The following TRPM2 variants were observed in gnomAD, a reference collection of about 807,000 sequenced individuals.
TRPM2 encodes transient receptor potential cation channel subfamily M member 2.
A neutral mutation model predicts 174.0 loss-of-function variants in TRPM2; 161 were observed. The ratio of observed to expected loss-of-function variants is 0.93; its 90% CI spans 0.81 to 1.05. The LOEUF (loss-of-function observed/expected upper bound fraction) is 1.05, where lower values mean the gene tolerates loss of function less well. TRPM2 is among the 50% of genes least tolerant of loss of function. TRPM2 has a pLI of 0.00. For synonymous variants in TRPM2, 954 were observed against 861.3 expected, an observed-to-expected ratio of 1.11 and a Z score of -1.88; for missense variants, 2,057 against 2,038.0, an observed-to-expected ratio of 1.01 and a Z score of -0.18.
chr21:44,382,406 G>A (rs2048908651), intron 8 of TRPM2, among the ~76,000 whole-genome samples: 1 of 152,210 alleles, frequency 6.6e-6, no homozygotes, highest in Non-Finnish European at 1.5e-5. Context: ...CAGGTGGTGA[G>A]GAGTGGCCTG....
chr21:44,437,138 C>T lies in TRPM2; in HGVS notation c.4138C>T (p.Pro1380Ser). Residue 1380 changes from proline to serine, a missense_variant, in exon 29 of 32, where the codon CCT (proline) becomes TCT (serine). Coordinates refer to ENST00000397928, the MANE Select transcript of TRPM2 (RefSeq NM_003307.4). ...KMLEVLVVKL[P>S]LSEHWALPGG... Reference sequence around the variant, plus strand: ...GCTGGAAGTGCTGGTGGTGAAGCTCCCTCTCTCCGAGCACTGGGCCCTGCC... The same window carrying T: ...GCTGGAAGTGCTGGTGGTGAAGCTCTCTCTCTCCGAGCACTGGGCCCTGCC... The T allele has an allele frequency of 1.3e-6, 2 of 1,551,356 alleles. No homozygotes were observed. The highest frequency in any genetic ancestry group is 2.4e-5 in the East Asian group (1 of 40,898).
upstream of TRPM2, chr21:44,353,161 A>C (rs2123005171): frequency 1.3e-5 from 2 of 152,296 alleles, no homozygotes; most frequent in Non-Finnish European, 2.9e-5. Flanking sequence ...GTCTCAAAAA[A>C]CAAGAAGAAA....
At position 44,366,760 on chromosome 21, in the gene TRPM2, C is replaced by G. The variant is rs762666791; in HGVS notation, c.430C>G (p.Arg144Gly). 1.2e-6 allele frequency: 2 copies of G among 1,613,984 alleles called. No individual in the cohort carries two copies. The highest frequency in any genetic ancestry group is 1.7e-6 in the Non-Finnish European group (2 of 1,179,998). Reference protein sequence around the residue: ...GLSQKVKKYVRVSQDTPSSVI... With the variant: ...GLSQKVKKYVGVSQDTPSSVI... Reference sequence around the variant, plus strand: ...CGTTTTCCCTTTCCCGCAGTACGTCCGAGTCTCCCAGGACACGCCCTCCAG... The same window carrying G: ...CGTTTTCCCTTTCCCGCAGTACGTCGGAGTCTCCCAGGACACGCCCTCCAG... Residue 144 changes from arginine (R) to glycine (G), a missense_variant, in exon 4 of 32, where the codon CGA (arginine) becomes GGA (glycine). Arg to Gly is a moderately radical substitution (Grantham distance 125). Coordinates refer to ENST00000397928, the MANE Select transcript of TRPM2 (RefSeq NM_003307.4). The surrounding 1 kb of genome is among the most constrained non-coding windows in gnomAD (Gnocchi z 6.0).
chr21:44,386,364 T>C (rs1211000583), intron 9 of TRPM2, among the ~76,000 whole-genome samples: 1 of 152,048 alleles, frequency 6.6e-6, no homozygotes, highest in Non-Finnish European at 1.5e-5. Flanking sequence ...GCTGAGATCA[T>C]GCCACTGCAC....
chr21:44,402,268 A>T (rs1275566428), intron 16 of TRPM2, among the ~76,000 whole-genome samples: 1 of 152,160 alleles, frequency 6.6e-6, no homozygotes, highest in Non-Finnish European at 1.5e-5. Context: ...ACGAGCCAGA[A>T]GGACCCACAG....
chr21:44,385,396 G>C (rs549347005), intron 9 of TRPM2, among the ~76,000 whole-genome samples: 60 of 152,218 alleles, frequency 3.9e-4, no homozygotes, highest in Non-Finnish European at 6.5e-4. Context: ...TAAAAAATAA[G>C]ATCTTAAACC....
intron 2 of TRPM2, among the ~76,000 whole-genome samples, chr21:44,356,115 CA>C (rs2146112913): frequency 7.6e-6 from 1 of 131,012 alleles, no homozygotes; most frequent in South Asian, 3.0e-4. Context: ...GAGGCCGAGG[CA>C]GGTGATCCAC....
chr21:44,431,314 T>C (rs2051014062), intron 27 of TRPM2, among the ~76,000 whole-genome samples: 2 of 151,146 alleles, frequency 1.3e-5, no homozygotes, highest in Admixed American at 1.3e-4. Flanking sequence ...TTTTTTTTTC[T>C]TTTTGTGGAG....
At chr21:44,381,670 G>A (rs2048882660) in intron 8 of TRPM2, among the ~76,000 whole-genome samples, 1 of 152,168 alleles carries the variant, frequency 6.6e-6, no homozygotes, top group African/African-American at 2.4e-5. Flanking sequence ...ACTTTGGGAG[G>A]TTGATGCGGG....
chr21:44,439,828 G>A lies in TRPM2; in HGVS notation c.4269+660G>A, dbSNP rs930184643. On this transcript the variant is annotated intron_variant, in intron 30 of 31. Coordinates refer to ENST00000397928, the MANE Select transcript of TRPM2 (RefSeq NM_003307.4). This position sits in a 1 kb window ranked among gnomAD's most constrained non-coding sequence, Gnocchi z 5.1. ...CCTCCACCTCCCGGGCTCAAGCAAT[G>A]CTCTTGCCTTGGCCTCCCAGGCAGC... 6.6e-6 allele frequency among the ~76,000 whole-genome samples: 1 copy of A among 152,110 alleles called. No individual in the cohort carries two copies. Among genetic ancestry groups the A allele is most frequent in the East Asian group, 1.9e-4 (1 of 5,150 alleles).
At chr21:44,426,803 G>T in intron 26 of TRPM2, 67 bp downstream of exon 26, 1 of 1,582,814 alleles carries the variant, frequency 6.3e-7, no homozygotes, top group South Asian at 1.1e-5. Flanking sequence ...GGGCTCCCTT[G>T]AGAATCCCAG....
chr21:44,407,909 A>T lies in TRPM2; in HGVS notation c.2962+1144A>T, dbSNP rs980233537. Reference sequence around the variant, plus strand: ...TAATATTTAATTTTTTAATTAAAAAATTTTAAATTAATTAATATTTAATTT... The same window carrying T: ...TAATATTTAATTTTTTAATTAAAAATTTTTAAATTAATTAATATTTAATTT... On this transcript the variant is annotated intron_variant, in intron 19 of 31. Transcript: ENST00000397928. Among the ~76,000 whole-genome samples the T allele has an allele frequency of 3.3e-5, 5 of 151,208 alleles. No homozygotes were observed. In the East Asian group the frequency reaches 5.8e-4, roughly 18 times the overall value.
chr21:44,397,656 C>T, intron 12 of TRPM2, 91 bp from the exon 13 acceptor site: 2 of 1,423,088 alleles, frequency 1.4e-6, no homozygotes, highest in Admixed American at 5.2e-5. Flanking sequence ...GTCCCCGGGC[C>T]TCGTTTTCAT....
At chr21:44,388,441 G>A (rs920383432) in intron 9 of TRPM2, among the ~76,000 whole-genome samples, 1 of 152,092 alleles carries the variant, frequency 6.6e-6, no homozygotes, top group African/African-American at 2.4e-5. Flanking sequence ...TGGGGATAGA[G>A]TTTTAGTTTC....
chr21:44,364,434 G>T, intron 3 of TRPM2, 152 bp downstream of exon 3: 1 of 911,670 alleles, frequency 1.1e-6, no homozygotes, highest in Non-Finnish European at 1.6e-6. Context: ...AAGCGGCGGG[G>T]AGGGGCTCTG....
chr21:44,391,636 G>A lies in TRPM2; in HGVS notation c.1794+11G>A, dbSNP rs45576736. 8.5e-4 allele frequency: 1,326 copies of A among 1,560,560 alleles called. 1 individual carries two copies. Among genetic ancestry groups the A allele is most frequent in the Non-Finnish European group, 1.0e-3 (1,204 of 1,160,162 alleles). ...CACGTCAAGCTCAACGTGCGTGCTG[G>A]TAACGGGGCCCATCCTGGACTCGTC... On this transcript the variant is annotated intron_variant, in intron 11 of 31. Coordinates refer to ENST00000397928, the MANE Select transcript of TRPM2 (RefSeq NM_003307.4). This position sits in a 1 kb window ranked among gnomAD's most constrained non-coding sequence, Gnocchi z 5.0.
chr21:44,399,582 C>A lies in TRPM2; in HGVS notation c.2208+141C>A. ...AGCTCGGGGACAGCGCCTGACCCCT[C>A]GGCCACCTGCTCCAGGCTCTGGCCT... On this transcript the variant is annotated intron_variant, in intron 14 of 31. Coordinates refer to ENST00000397928, the MANE Select transcript of TRPM2 (RefSeq NM_003307.4). The surrounding 1 kb of genome is among the most constrained non-coding windows in gnomAD (Gnocchi z 4.6). 2 of 1,149,404 alleles carry A rather than the reference C, an allele frequency of 1.7e-6. No individual in the cohort carries two copies. The highest frequency in any genetic ancestry group is 2.3e-6 in the Non-Finnish European group (2 of 861,010). 71.2% of individuals were successfully genotyped at this position (1,149,404 alleles called of 1,614,324 possible).
Position 44,414,053 on chromosome 21 carries a change from A to T in TRPM2, c.3125A>T (p.Asn1042Ile). 1.3e-6 allele frequency: 2 copies of T among 1,598,806 alleles called. No individual in the cohort carries two copies. The highest frequency in any genetic ancestry group is 1.7e-6 in the Non-Finnish European group (2 of 1,173,054). The change falls in exon 20 of 32, where the codon AAC becomes ATC. Residue 1042 changes from asparagine to isoleucine, a missense_variant. By Grantham distance (149) the Asn-to-Ile change is moderately radical. Coordinates refer to ENST00000397928, the MANE Select transcript of TRPM2 (RefSeq NM_003307.4). ...YLLFTNILLL[N>I]LLIAMFNYTF... ...CTCTTCACCAACATCCTGCTGCTCA[A>T]CCTCCTCATCGCCATGTTCAAGTGA...
At chr21:44,420,039 G>A (rs563517809) in intron 22 of TRPM2, among the ~76,000 whole-genome samples, 1 of 152,124 alleles carries the variant, frequency 6.6e-6, no homozygotes, top group East Asian at 1.9e-4. Flanking sequence ...ACAATGTGAG[G>A]ACCTTAATGA....
Sources: allele counts gnomAD v4.1 joint callset (sites outside exome capture counted in the v4.1 genomes callset), GRCh38; gene constraint gnomAD v4.1.1; non-coding constraint Gnocchi (gnomAD v3.1); transcripts MANE v1.5; gene names NCBI Gene and HGNC (gene_info 2026-07-23, HGNC 2026-07-21).